GLI3: variants seen among roughly 807,000 people sequenced by gnomAD.
GLI3 encodes GLI family zinc finger 3.
In GLI3, 20 loss-of-function variants were observed where a neutral mutation model predicts 100.8. The observed-to-expected ratio is 0.20, with a 90% CI of 0.14 to 0.29. The LOEUF (loss-of-function observed/expected upper bound fraction) is 0.29. GLI3 is among the 10% of genes least tolerant of loss of function. The probability of loss-of-function intolerance (pLI) is 1.00; values close to 1 mark genes in which losing one functional copy is unlikely to be tolerated. For synonymous variants in GLI3, 938 were observed against 860.5 expected, an observed-to-expected ratio of 1.09 and a Z score of -1.58; for missense variants, 2,040 against 2,128.5, an observed-to-expected ratio of 0.96 and a Z score of 0.82.
At chr7:42,142,934 CAAAAAAAAAAAAA>C (rs11287528) in intron 3 of GLI3, among the ~76,000 whole-genome samples, 1 of 76,922 alleles carries the variant, frequency 1.3e-5, no homozygotes, top group South Asian at 5.2e-4. Flanking sequence ...ACTCTGTCTC[CAAAAAAAAAAAAA>C]AAAAAAAAAG....
chr7:42,236,388 T>C (rs1788794071), intron 1 of GLI3, among the ~76,000 whole-genome samples: 1 of 152,162 alleles, frequency 6.6e-6, no homozygotes, highest in Admixed American at 6.5e-5. Context: ...GGTACAACTT[T>C]CACTTTTCCT....
chr7:42,063,041 C>T (rs995321287), intron 4 of GLI3, among the ~76,000 whole-genome samples: 1 of 152,094 alleles, frequency 6.6e-6, no homozygotes, highest in Non-Finnish European at 1.5e-5. Flanking sequence ...TATGCATCTG[C>T]ACAAATACAC....
intron 3 of GLI3, among the ~76,000 whole-genome samples, chr7:42,087,041 G>A (rs1023185109): frequency 2.0e-5 from 3 of 152,132 alleles, no homozygotes; most frequent in Non-Finnish European, 4.4e-5. Context: ...TGGGGTGTGA[G>A]GGCAGAAGAG....
chr7:42,174,826 G>C (rs373970537), intron 2 of GLI3, among the ~76,000 whole-genome samples: 2 of 152,092 alleles, frequency 1.3e-5, no homozygotes, highest in Non-Finnish European at 2.9e-5. Flanking sequence ...GCTCCAGCTC[G>C]GGCAAGTCAC....
At chr7:42,121,223 C>T (rs555489100) in intron 3 of GLI3, among the ~76,000 whole-genome samples, 160 of 152,322 alleles carry the variant, frequency 1.1e-3, no homozygotes, top group African/African-American at 3.6e-3. Context: ...CTCAAACTTT[C>T]GCTGCATCAG....
intron 4 of GLI3, among the ~76,000 whole-genome samples, chr7:42,065,501 T>C (rs1167591355): frequency 6.6e-6 from 1 of 152,134 alleles, no homozygotes; most frequent in African/African-American, 2.4e-5. Flanking sequence ...TCTTTGTTAA[T>C]AGAGTTAAAA....
At chr7:42,082,047 C>G (rs1282056564) in intron 3 of GLI3, among the ~76,000 whole-genome samples, 1 of 151,948 alleles carries the variant, frequency 6.6e-6, no homozygotes, top group Non-Finnish European at 1.5e-5. Flanking sequence ...CAAACTCATT[C>G]AATCATCTGC....
At chr7:41,988,298 C>T (rs1787885884) in intron 10 of GLI3, among the ~76,000 whole-genome samples, 1 of 152,040 alleles carries the variant, frequency 6.6e-6, no homozygotes, top group East Asian at 1.9e-4. Flanking sequence ...CCTGTCTCTA[C>T]TAAAAATGCA....
intron 3 of GLI3, among the ~76,000 whole-genome samples, chr7:42,097,299 C>G (rs900298531): frequency 6.6e-6 from 1 of 152,192 alleles, no homozygotes; most frequent in African/African-American, 2.4e-5. Flanking sequence ...CTCAGAATTC[C>G]CACAGCATCT....
At chr7:42,111,686 C>A (rs1785711097) in intron 3 of GLI3, among the ~76,000 whole-genome samples, 1 of 152,200 alleles carries the variant, frequency 6.6e-6, no homozygotes, top group African/African-American at 2.4e-5. Context: ...TTCTAGAGCA[C>A]TTAAGCTTCC....
intron 3 of GLI3, among the ~76,000 whole-genome samples, chr7:42,142,319 T>C (rs917408375): frequency 1.3e-4 from 20 of 152,116 alleles, no homozygotes; most frequent in African/African-American, 4.3e-4. Context: ...AGCTGAGTCG[T>C]TGTAGAAGAG....
At chr7:42,178,261 T>C (rs548929268) in intron 2 of GLI3, among the ~76,000 whole-genome samples, 2 of 152,328 alleles carry the variant, frequency 1.3e-5, no homozygotes, top group African/African-American at 4.8e-5. Context: ...AAGTTGTGTA[T>C]CATCCCTGCA....
intron 1 of GLI3, among the ~76,000 whole-genome samples, chr7:42,255,179 C>T (rs1224251947): frequency 6.6e-6 from 1 of 151,760 alleles, no homozygotes; most frequent in Non-Finnish European, 1.5e-5. Flanking sequence ...TAATGCTACA[C>T]TACAAAATTA....
rs990868105 is a variant in GLI3 at position 41,968,007 on chromosome 7, G to A, written c.2104-84C>T. The A allele has an allele frequency of 7.7e-6, 8 of 1,042,596 alleles. No individual in the cohort carries two copies. The African/African-American group carries it at 1.1e-4, about 14-fold the overall frequency. The allele number at this position is 1,042,596 out of a possible 1,614,324, so 64.6% of individuals were successfully genotyped here. A position where few individuals can be genotyped will look rare whatever the true frequency, so the allele number is the denominator to read the frequency against. On this transcript the variant is annotated intron_variant, in intron 13 of 14. Transcript: ENST00000395925. ...CCAATAATGAGAGCTCATGCATATC[G>A]AGATCTTCAAGATCATCAGTTGGTT...
At chr7:42,033,784 A>G (rs541049627) in intron 7 of GLI3, among the ~76,000 whole-genome samples, 70 of 152,274 alleles carry the variant, frequency 4.6e-4, no homozygotes, top group African/African-American at 1.6e-3. Context: ...GTGTAGGGAC[A>G]CACATGCACA....
chr7:42,048,394 C>T, intron 5 of GLI3, 97 bp downstream of exon 5: 2 of 864,142 alleles, frequency 2.3e-6, no homozygotes, highest in Non-Finnish European at 2.0e-6. Context: ...ACATGGGAAA[C>T]ACTCACTAAA....
chr7:41,988,190 G>A (rs191883926), intron 10 of GLI3, among the ~76,000 whole-genome samples: 13 of 152,210 alleles, frequency 8.5e-5, no homozygotes, highest in Admixed American at 5.9e-4. Context: ...GGCCAGGCAC[G>A]GTGGCTCACG....
chr7:42,119,126 G>T (rs906423976), intron 3 of GLI3, among the ~76,000 whole-genome samples: 4 of 152,140 alleles, frequency 2.6e-5, no homozygotes, highest in Admixed American at 6.5e-5. Context: ...CACCAACAAG[G>T]GAAGCCGAGG....
At chr7:41,967,560 AC>A in intron 14 of GLI3, 35 bp downstream of exon 14, 2 of 1,473,400 alleles carry the variant, frequency 1.4e-6, no homozygotes, top group Non-Finnish European at 9.4e-7. Context: ...AGAAAAAAAA[AC>A]CCTGAGCAGA....
Sources: gnomAD v4.1 joint callset for allele counts (sites outside exome capture counted in the v4.1 genomes callset) on GRCh38, gnomAD v4.1.1 for gene constraint, MANE v1.5 for transcripts, NCBI Gene and HGNC (gene_info 2026-07-23, HGNC 2026-07-21) for gene names.